SH2B3: variants seen among roughly 807,000 people sequenced by gnomAD.
The protein encoded by SH2B3 is SH2B adaptor protein 3, also known as SH2B adapter protein 3.
SH2B3 carries 43 observed loss-of-function variants against 51.9 expected under a neutral mutation model. The ratio of observed to expected loss-of-function variants is 0.83; its 90% CI spans 0.65 to 1.07. The LOEUF is 1.07. Ranked by LOEUF, SH2B3 falls within the 50% of genes least tolerant of loss-of-function variation. The pLI is 0.00. For synonymous variants in SH2B3, 396 were observed against 376.0 expected, an observed-to-expected ratio of 1.05 and a Z score of -0.62; for missense variants, 952 against 834.3, an observed-to-expected ratio of 1.14 and a Z score of -1.74.
Position 111,448,181 on chromosome 12 carries a change from C to A in SH2B3, c.1607C>A (p.Ala536Asp), listed in dbSNP as rs1173584555. Residue 536 changes from alanine (A) to aspartate (D), a missense_variant, in exon 8 of 8, where the codon GCC (alanine) becomes GAC (aspartate). By Grantham distance (126) the Ala-to-Asp change is moderately radical. Transcript: ENST00000341259. ...FHLVPSPEEL[A>D]NSLQHLEHEP... ...CTGGTGCCTTCGCCCGAAGAACTGG[C>A]CAACAGCCTGCAGCACCTGGAGCAT... The A allele has an allele frequency of 1.2e-6, 2 of 1,614,130 alleles. No individual in the cohort carries two copies. The highest frequency in any genetic ancestry group is 2.2e-5 in the South Asian group (2 of 91,088).
At position 111,448,358 on chromosome 12, in the gene SH2B3, T is replaced by C; in HGVS notation, c.*56T>C. The C allele has an allele frequency of 8.2e-7, 1 of 1,218,142 alleles. No individual in the cohort carries two copies. The highest frequency in any genetic ancestry group is 1.2e-6 in the Non-Finnish European group (1 of 857,532). 75.5% of individuals were successfully genotyped at this position (1,218,142 alleles called of 1,614,324 possible). The stretch of plus-strand genomic sequence containing the variant: ...CCCTTGAGGAGCACAGGCAGAAGTG[T>C]GAACTTGTGAATGTAATTGATCTTT... On this transcript the variant is annotated 3_prime_UTR_variant, in exon 8 of 8. Transcript: ENST00000341259.
rs532458765 is a variant in SH2B3 at position 111,416,232 on chromosome 12, G to A, written c.-27-1887G>A. ...GCTGGGATTACAGGCGTGAGCCACCGTGCCCGGCCCTATGTTTATTTTTTA... is the reference window on the plus strand; with the variant it reads ...GCTGGGATTACAGGCGTGAGCCACCATGCCCGGCCCTATGTTTATTTTTTA... On this transcript the variant is annotated intron_variant, in intron 1 of 7. Transcript: ENST00000341259. Among the ~76,000 whole-genome samples the A allele has an allele frequency of 3.3e-5, 5 of 152,112 alleles. No homozygotes were observed. In the South Asian group the frequency reaches 1.0e-3, roughly 32 times the overall value.
chr12:111,418,182 T>C lies in SH2B3; in HGVS notation c.37T>C (p.Ser13Pro), dbSNP rs2135546707. The C allele has an allele frequency of 3.2e-6, 5 of 1,562,824 alleles. No homozygotes were observed. The highest frequency in any genetic ancestry group is 4.3e-6 in the Non-Finnish European group (5 of 1,166,776). Residue 13 changes from serine (S) to proline (P), a missense_variant, in exon 2 of 8, where the codon TCC becomes CCC. Physicochemically the swap from Ser to Pro is moderately conservative, Grantham distance 74. Transcript: ENST00000341259. This position sits in a 1 kb window ranked among gnomAD's most constrained non-coding sequence, Gnocchi z 6.7. ...GPALQPSSPS[S>P]APSASPAAAP... ...TGCCCTGCAGCCCTCCTCGCCCTCT[T>C]CCGCGCCCTCAGCCTCCCCGGCGGC...
chr12:111,411,030 C>G (rs12320499), intron 1 of SH2B3, among the ~76,000 whole-genome samples: 15,496 of 152,022 alleles, frequency 0.1, 2,638 homozygotes, highest in African/African-American at 0.35. Context: ...AGAGTGGAGG[C>G]TCTGGACTGG....
chr12:111,433,000 C>T (rs1168170995), intron 2 of SH2B3, among the ~76,000 whole-genome samples: 1 of 152,176 alleles, frequency 6.6e-6, no homozygotes, highest in African/African-American at 2.4e-5. Flanking sequence ...TCTGTGTTTT[C>T]ATTTCTCTTG....
rs548337273 is a variant in SH2B3 at position 111,438,630 on chromosome 12, G to A, written c.733-8123G>A. Among the ~76,000 whole-genome samples the A allele has an allele frequency of 5.3e-5, 8 of 152,320 alleles. No individual in the cohort carries two copies. Among genetic ancestry groups the A allele is most frequent in the African/African-American group, 1.4e-4 (6 of 41,590 alleles). On this transcript the variant is annotated intron_variant, in intron 2 of 7. Transcript: ENST00000341259. This position sits in a 1 kb window ranked among gnomAD's most constrained non-coding sequence, Gnocchi z 4.2. ...ACTGGCTCGCGGCCAAGGACACCAC[G>A]TGAGCAAAGCCAAGTCACGGCAGAG...
rs575026070 is a variant in SH2B3, at chr12:111,410,041, G to A, written c.-28+3764G>A. Among the ~76,000 whole-genome samples the A allele has an allele frequency of 4.1e-3, 629 of 152,310 alleles. 3 individuals are homozygous for A. The highest frequency in any genetic ancestry group is 0.02 in the Middle Eastern group (6 of 294). ...GCCTGGAGCCCCTGGGGGCCCACCCGGATGTGGCTACCCCCCGGCTGGCCA... is the reference window on the plus strand; with the variant it reads ...GCCTGGAGCCCCTGGGGGCCCACCCAGATGTGGCTACCCCCCGGCTGGCCA... On this transcript the variant is annotated intron_variant, in intron 1 of 7. Transcript: ENST00000341259. The surrounding 1 kb of genome is among the most constrained non-coding windows in gnomAD (Gnocchi z 4.9).
In SH2B3 at chr12:111,438,310, CAG is replaced by C. The variant is rs1181595272; in HGVS notation, c.733-8440_733-8439del. Reference sequence around the variant, plus strand: ...TGGGGCACTGTGTGATTTTGCCTCCCAGAGTCTGTAGCATGGGGGCTCCTGAT... The same window carrying C: ...TGGGGCACTGTGTGATTTTGCCTCCCAGTCTGTAGCATGGGGGCTCCTGAT... On this transcript the variant is annotated intron_variant, in intron 2 of 7. Transcript: ENST00000341259. This position sits in a 1 kb window ranked among gnomAD's most constrained non-coding sequence, Gnocchi z 4.2. 1.3e-5 allele frequency among the ~76,000 whole-genome samples: 2 copies of C among 152,128 alleles called. No homozygotes were observed. Among genetic ancestry groups the C allele is most frequent in the Non-Finnish European group, 2.9e-5 (2 of 68,016 alleles).
rs1206859804 is a variant in SH2B3, at chr12:111,448,124, G to A, written c.1550G>A (p.Gly517Glu). Residue 517 changes from glycine to glutamate, a missense_variant, in exon 8 of 8, where the codon GGG (glycine) becomes GAG (glutamate). Gly to Glu is a moderately conservative substitution (Grantham distance 98). Transcript: ENST00000341259. ...GGGCTCAGCCCAGAGGGTCTCCCAG[G>A]GCGATCCTCACCCCCCGAGCAGATC... ...PRGLSPEGLP[G>E]RSSPPEQIFH... The A allele has an allele frequency of 1.9e-6, 3 of 1,614,004 alleles. No individual in the cohort carries two copies. Among genetic ancestry groups the A allele is most frequent in the Non-Finnish European group, 2.5e-6 (3 of 1,180,034 alleles).
At position 111,449,207 on chromosome 12, in the gene SH2B3, C is replaced by G. The variant is rs1412144976; in HGVS notation, c.*905C>G. ...TAAAAAACTGGATTCTGGTTTACAG[C>G]AGCTTTACAGTGATAGTTAAATTAA... On this transcript the variant is annotated 3_prime_UTR_variant, in exon 8 of 8. Coordinates refer to ENST00000341259, the MANE Select transcript of SH2B3 (RefSeq NM_005475.3). 1 of 152,578 alleles carries G rather than the reference C, an allele frequency of 6.6e-6. No individual in the cohort carries two copies. Among genetic ancestry groups the G allele is most frequent in the Non-Finnish European group, 1.5e-5 (1 of 68,038 alleles). The allele number at this position is 152,578 out of a possible 1,614,324, so 9.5% of individuals were successfully genotyped here.
At chr12:111,424,776 G>A (rs1014421034) in intron 2 of SH2B3, among the ~76,000 whole-genome samples, 1 of 152,228 alleles carries the variant, frequency 6.6e-6, no homozygotes, top group Non-Finnish European at 1.5e-5. Flanking sequence ...CACAACTCTT[G>A]CATGTGCTTG....
rs1164748407 is a variant in SH2B3 at position 111,407,505 on chromosome 12, C to A, written c.-28+1228C>A. On this transcript the variant is annotated intron_variant, in intron 1 of 7. Transcript: ENST00000341259. This position sits in a 1 kb window ranked among gnomAD's most constrained non-coding sequence, Gnocchi z 4.3. Reference sequence around the variant, plus strand: ...GGGTTTCCCATCACTGACCTGGCTGCCTGAGTGGAAACAGCTCTGGAGGCT... The same window carrying A: ...GGGTTTCCCATCACTGACCTGGCTGACTGAGTGGAAACAGCTCTGGAGGCT... Among the ~76,000 whole-genome samples the A allele has an allele frequency of 6.6e-6, 1 of 152,196 alleles. No homozygotes were observed. The highest frequency in any genetic ancestry group is 2.4e-5 in the African/African-American group (1 of 41,454).
At chr12:111,413,223 G>T (rs1870833740) in intron 1 of SH2B3, among the ~76,000 whole-genome samples, 1 of 152,162 alleles carries the variant, frequency 6.6e-6, no homozygotes, top group African/African-American at 2.4e-5. Flanking sequence ...GTAATATTTT[G>T]TAAAAGTAGT....
rs1009662007 is a variant in SH2B3, at chr12:111,435,602, G to A, written c.733-11151G>A. ...TCGAACTCCTGACCTCAAGTGATCCGCCCATCTTGACCTCCCAAAGTGCTC... is the reference window on the plus strand; with the variant it reads ...TCGAACTCCTGACCTCAAGTGATCCACCCATCTTGACCTCCCAAAGTGCTC... On this transcript the variant is annotated intron_variant, in intron 2 of 7. Transcript: ENST00000341259. This position sits in a 1 kb window ranked among gnomAD's most constrained non-coding sequence, Gnocchi z 4.8. Among the ~76,000 whole-genome samples, 11 of 152,184 alleles carry A rather than the reference G, an allele frequency of 7.2e-5. No individual in the cohort carries two copies. The highest frequency in any genetic ancestry group is 1.9e-4 in the East Asian group (1 of 5,168).
intron 2 of SH2B3, among the ~76,000 whole-genome samples, chr12:111,439,413 G>A (rs781056088): frequency 2.6e-5 from 4 of 152,144 alleles, no homozygotes; most frequent in African/African-American, 9.7e-5. Context: ...GCCTCCCAAC[G>A]TGCTGGGATT....
At position 111,428,869 on chromosome 12, in the gene SH2B3, G is replaced by A. The variant is rs534200947; in HGVS notation, c.732+9992G>A. 2.6e-4 allele frequency among the ~76,000 whole-genome samples: 39 copies of A among 152,226 alleles called. No homozygotes were observed. In the South Asian group the frequency reaches 6.6e-3, roughly 26 times the overall value. On this transcript the variant is annotated intron_variant, in intron 2 of 7. Coordinates refer to ENST00000341259, the MANE Select transcript of SH2B3 (RefSeq NM_005475.3). ...TTTACAGAGGAGGAAACTGAGACCC[G>A]GGGAGGCCACAGGAGTCGGGCTCTG...
intron 2 of SH2B3, 83 bp from the exon 3 acceptor site, chr12:111,446,670 G>A (rs1873988711): frequency 4.0e-6 from 3 of 742,558 alleles, no homozygotes; most frequent in African/African-American, 1.8e-5. Context: ...GGGGACTCCT[G>A]GGGAGACTAT....
intron 2 of SH2B3, among the ~76,000 whole-genome samples, chr12:111,439,180 G>A (rs1412249336): frequency 2.0e-5 from 3 of 151,322 alleles, no homozygotes; most frequent in South Asian, 2.1e-4. Flanking sequence ...ATGGAGTTTC[G>A]CTTTTGTTGC....
At chr12:111,446,530 G>A (rs1158661227) in intron 2 of SH2B3, among the ~76,000 whole-genome samples, 1 of 152,172 alleles carries the variant, frequency 6.6e-6, no homozygotes, top group East Asian at 1.9e-4. Context: ...TGGGAGGGCT[G>A]GCCTTCTGCC....
Sources: gnomAD v4.1 joint callset for allele counts (sites outside exome capture counted in the v4.1 genomes callset) on GRCh38, gnomAD v4.1.1 for gene constraint, Gnocchi (gnomAD v3.1) non-coding constraint, MANE v1.5 for transcripts, NCBI Gene and HGNC (gene_info 2026-07-23, HGNC 2026-07-21) for gene names.